Variants in ATP13A3 observed in about 807,000 individuals in gnomAD.
ATP13A3 encodes polyamine-transporting ATPase 13A3.
A neutral mutation model predicts 158.1 loss-of-function variants in ATP13A3; 59 were observed. That is an observed-to-expected ratio of 0.37 (90% CI 0.30 to 0.46). ATP13A3 has a LOEUF of 0.46. Among genes scored for constraint, ATP13A3 ranks in the 20% least tolerant of loss-of-function variants. The pLI is 1.00. For synonymous variants in ATP13A3, 491 were observed against 504.3 expected, an observed-to-expected ratio of 0.97 and a Z score of 0.35; for missense variants, 1,166 against 1,525.2, an observed-to-expected ratio of 0.76 and a Z score of 3.92.
At chr3:194,420,018 TA>T in intron 30 of ATP13A3, 51 bp from the exon 31 acceptor site, 4 of 1,454,170 alleles carry the variant, frequency 2.8e-6, no homozygotes, top group Admixed American at 3.1e-5. Context: ...TTCCTTTATA[TA>T]AAAAGGCATC....
At chr3:194,478,943 G>A (rs1223138356) in intron 2 of ATP13A3, among the ~76,000 whole-genome samples, 2 of 152,092 alleles carry the variant, frequency 1.3e-5, no homozygotes, top group East Asian at 1.9e-4. Context: ...CAGTCCTAAA[G>A]GCATAACCAA....
chr3:194,446,791 A>C, intron 14 of ATP13A3, 136 bp downstream of exon 14: 1 of 798,322 alleles, frequency 1.3e-6, no homozygotes, highest in Non-Finnish European at 1.9e-6. Flanking sequence ...TATACCAAAT[A>C]AGTGGAGGAA....
intron 13 of ATP13A3, 118 bp from the exon 14 acceptor site, chr3:194,447,233 T>C (rs1349063168): frequency 1.2e-6 from 1 of 823,906 alleles, no homozygotes; most frequent in East Asian, 2.7e-5. Flanking sequence ...ATTTTATGTA[T>C]GTGTGTGTAT....
Position 194,448,773 on chromosome 3 carries a change from G to C in ATP13A3, c.971-137C>G. 2 of 921,012 alleles carry C rather than the reference G, an allele frequency of 2.2e-6. No homozygotes were observed. The highest frequency in any genetic ancestry group is 2.8e-5 in the East Asian group (1 of 36,148). 57.1% of individuals were successfully genotyped at this position (921,012 alleles called of 1,614,324 possible). Reference sequence around the variant, plus strand: ...CCATACTGTTTACAATAATCACTGAGAGTTGTATATGTGGACAACATGGCT... The same window carrying C: ...CCATACTGTTTACAATAATCACTGACAGTTGTATATGTGGACAACATGGCT... On this transcript the variant is annotated intron_variant, in intron 11 of 33. Transcript: ENST00000645319. This position sits in a 1 kb window ranked among gnomAD's most constrained non-coding sequence, Gnocchi z 4.0.
chr3:194,440,750 A>G (rs185673597), intron 16 of ATP13A3, among the ~76,000 whole-genome samples: 2 of 152,342 alleles, frequency 1.3e-5, no homozygotes, highest in Admixed American at 1.3e-4. Context: ...AGAAGCCAGA[A>G]GGGAACTCTA....
intron 2 of ATP13A3, among the ~76,000 whole-genome samples, chr3:194,480,833 G>A (rs541172557): frequency 6.6e-6 from 1 of 152,146 alleles, no homozygotes; most frequent in Non-Finnish European, 1.5e-5. Flanking sequence ...GTCCCAGAGT[G>A]AGCATGAAAT....
chr3:194,419,529 G>T (rs1417830132), intron 31 of ATP13A3, among the ~76,000 whole-genome samples: 1 of 152,086 alleles, frequency 6.6e-6, no homozygotes, highest in African/African-American at 2.4e-5. Context: ...GAAAAGAATT[G>T]AAGAACTAAA....
At position 194,435,893 on chromosome 3, in the gene ATP13A3, C is replaced by T. The variant is rs58291587; in HGVS notation, c.2120+1202G>A. Among the ~76,000 whole-genome samples, 358 of 151,880 alleles carry T rather than the reference C, an allele frequency of 2.4e-3. 2 individuals are homozygous for T. The highest frequency in any genetic ancestry group is 8.1e-3 in the African/African-American group (334 of 41,404). On this transcript the variant is annotated intron_variant, in intron 20 of 33. Transcript: ENST00000645319. ...CTGCACTCCAGCCTGGGCAACAGAG[C>T]GAGACTCCGTCTCAAAAGAAAAAAA...
At chr3:194,467,451 ATT>A (rs1720062221) in intron 2 of ATP13A3, among the ~76,000 whole-genome samples, 1 of 152,166 alleles carries the variant, frequency 6.6e-6, no homozygotes, top group African/African-American at 2.4e-5. Context: ...TATGAGTGTA[ATT>A]TCTCTAAAAC....
At chr3:194,413,956 A>G in intron 31 of ATP13A3, 117 bp from the exon 32 acceptor site, 1 of 822,146 alleles carries the variant, frequency 1.2e-6, no homozygotes, top group Non-Finnish European at 2.1e-6. Context: ...CTTCATATAC[A>G]TTATCTACTT....
At chr3:194,473,245 G>A (rs184900738) in intron 2 of ATP13A3, among the ~76,000 whole-genome samples, 6 of 152,236 alleles carry the variant, frequency 3.9e-5, no homozygotes, top group Admixed American at 3.3e-4. Flanking sequence ...GCATTCATGT[G>A]TCTCAACAAA....
At chr3:194,455,828 A>C in intron 8 of ATP13A3, 65 bp downstream of exon 8, 1 of 1,005,510 alleles carries the variant, frequency 9.9e-7, no homozygotes, top group Non-Finnish European at 1.5e-6. Context: ...TTTAATCACA[A>C]CTCATTCCAA....
intron 31 of ATP13A3, among the ~76,000 whole-genome samples, chr3:194,418,012 G>A: frequency 6.8e-6 from 1 of 146,138 alleles, no homozygotes; most frequent in Non-Finnish European, 1.5e-5. Context: ...AGGGAGGAGA[G>A]GGGAGGCGGG....
chr3:194,491,345 C>G (rs530030238), upstream of ATP13A3, among the ~76,000 whole-genome samples: 122 of 152,260 alleles, frequency 8.0e-4, 4 homozygotes, highest in South Asian at 0.021. Context: ...ACCCAAACAA[C>G]TGCTGAAGCC....
chr3:194,485,478 C>T (rs1345074157), intron 2 of ATP13A3, among the ~76,000 whole-genome samples: 1 of 152,190 alleles, frequency 6.6e-6, no homozygotes, highest in Non-Finnish European at 1.5e-5. Context: ...TCATTACGTA[C>T]TCACCCTTCA....
intron 30 of ATP13A3, among the ~76,000 whole-genome samples, chr3:194,421,723 T>G (rs989186480): frequency 2.6e-5 from 4 of 151,648 alleles, no homozygotes; most frequent in Non-Finnish European, 5.9e-5. Flanking sequence ...GTTTGGAAAG[T>G]GGTGGTTGGA....
intron 30 of ATP13A3, among the ~76,000 whole-genome samples, chr3:194,420,991 C>T (rs980985221): frequency 6.8e-5 from 10 of 147,580 alleles, no homozygotes; most frequent in African/African-American, 1.5e-4. Flanking sequence ...CATTTTTAAA[C>T]GTGGATGTTA....
chr3:194,434,559 C>T (rs1045215000), intron 20 of ATP13A3, among the ~76,000 whole-genome samples: 3 of 152,172 alleles, frequency 2.0e-5, no homozygotes, highest in Non-Finnish European at 2.9e-5. Flanking sequence ...GAGATGCACA[C>T]AAAAATAGTA....
intron 2 of ATP13A3, among the ~76,000 whole-genome samples, chr3:194,482,492 C>G (rs539385148): frequency 1.3e-5 from 2 of 152,166 alleles, no homozygotes; most frequent in South Asian, 4.1e-4. Flanking sequence ...ATCTACTTTT[C>G]TCCAGATTAA....
Sources: gnomAD v4.1 joint callset for allele counts (sites outside exome capture counted in the v4.1 genomes callset) on GRCh38, gnomAD v4.1.1 for gene constraint, Gnocchi (gnomAD v3.1) non-coding constraint, MANE v1.5 for transcripts, NCBI Gene and HGNC (gene_info 2026-07-23, HGNC 2026-07-21) for gene names.